Variants in PCDH7 observed in about 807,000 individuals in gnomAD.
PCDH7 encodes the protein protocadherin 7.
In PCDH7, 17 loss-of-function variants were observed where a neutral mutation model predicts 58.9. The observed-to-expected ratio is 0.29, with a 90% CI of 0.20 to 0.43. The LOEUF (loss-of-function observed/expected upper bound fraction) is 0.43. PCDH7 is among the 20% of genes least tolerant of loss of function. The probability of loss-of-function intolerance (pLI) is 1.00; values close to 1 mark genes in which losing one functional copy is unlikely to be tolerated. For synonymous variants in PCDH7, 664 were observed against 616.4 expected, an observed-to-expected ratio of 1.08 and a Z score of -1.14; for missense variants, 1,274 against 1,441.0, an observed-to-expected ratio of 0.88 and a Z score of 1.88.
At chr4:31,122,550 T>C (rs1717817849) in intron 3 of PCDH7, among the ~76,000 whole-genome samples, 1 of 152,178 alleles carries the variant, frequency 6.6e-6, no homozygotes, top group Non-Finnish European at 1.5e-5. Flanking sequence ...TTAATGCACA[T>C]TTACTGAAAT....
exon 4 of PCDH7, chr4:31,142,708 G>T (rs1438527023): frequency 1.5e-6 from 2 of 1,367,740 alleles, no homozygotes; most frequent in South Asian, 2.3e-5. Flanking sequence ...ACAAAAAGTT[G>T]ACCTCATCCT....
intron 2 of PCDH7, among the ~76,000 whole-genome samples, chr4:30,922,176 A>C (rs1034568389): frequency 6.6e-6 from 1 of 151,524 alleles, no homozygotes; most frequent in Non-Finnish European, 1.5e-5. Context: ...ATAATTACTT[A>C]TATGTACATA....
At chr4:30,799,468 A>G (rs905088729) in intron 1 of PCDH7, among the ~76,000 whole-genome samples, 5 of 152,222 alleles carry the variant, frequency 3.3e-5, no homozygotes, top group Admixed American at 3.3e-4. Flanking sequence ...CTCTAGATAA[A>G]TATTCACATG....
At chr4:30,918,895 G>A (rs868492355) in intron 1 of PCDH7, among the ~76,000 whole-genome samples, 5 of 152,054 alleles carry the variant, frequency 3.3e-5, no homozygotes, top group Non-Finnish European at 7.4e-5. Context: ...ATAAATTAGG[G>A]GGAGATGTTA....
chr4:31,109,274 A>G (rs1055561251), intron 3 of PCDH7, among the ~76,000 whole-genome samples: 1 of 152,248 alleles, frequency 6.6e-6, no homozygotes, highest in African/African-American at 2.4e-5. Flanking sequence ...AAGGATGGAG[A>G]ATTATGACCA....
chr4:30,726,845 G>A (rs368389277), intron 1 of PCDH7, among the ~76,000 whole-genome samples: 2 of 151,802 alleles, frequency 1.3e-5, no homozygotes, highest in African/African-American at 4.8e-5. Flanking sequence ...TTGCTGTCAG[G>A]GGACAAGGGA....
chr4:30,805,284 A>G (rs1726039222), intron 1 of PCDH7, among the ~76,000 whole-genome samples: 1 of 152,116 alleles, frequency 6.6e-6, no homozygotes, highest in South Asian at 2.1e-4. Context: ...AGGTGAAGGC[A>G]TATGGTAGGG....
chr4:30,879,981 A>AT (rs1736759749), intron 1 of PCDH7, among the ~76,000 whole-genome samples: 1 of 152,108 alleles, frequency 6.6e-6, no homozygotes, highest in African/African-American at 2.4e-5. Flanking sequence ...TTTTTAACAG[A>AT]TTCCCTAAAC....
chr4:31,076,160 G>T (rs1758974448), intron 3 of PCDH7, among the ~76,000 whole-genome samples: 1 of 152,130 alleles, frequency 6.6e-6, no homozygotes, highest in Non-Finnish European at 1.5e-5. Flanking sequence ...AGAGTGCAGA[G>T]GAATGAATTA....
chr4:31,022,086 A>G (rs377373753), intron 3 of PCDH7, among the ~76,000 whole-genome samples: 10 of 152,172 alleles, frequency 6.6e-5, no homozygotes, highest in East Asian at 5.8e-4. Context: ...ATTACCTTTT[A>G]AGGAAGTCAG....
chr4:30,982,828 C>T (rs990832710), intron 3 of PCDH7, among the ~76,000 whole-genome samples: 2 of 152,114 alleles, frequency 1.3e-5, no homozygotes, highest in Non-Finnish European at 2.9e-5. Context: ...CTTGAATCTA[C>T]TTCTGATAGT....
intron 3 of PCDH7, among the ~76,000 whole-genome samples, chr4:30,975,993 A>G (rs989496982): frequency 5.3e-5 from 8 of 152,114 alleles, no homozygotes; most frequent in African/African-American, 1.4e-4. Flanking sequence ...AGCCCTCATA[A>G]TGTGGTTGTT....
At chr4:31,134,480 C>A (rs1348826588) in intron 3 of PCDH7, among the ~76,000 whole-genome samples, 3 of 151,974 alleles carry the variant, frequency 2.0e-5, no homozygotes, top group East Asian at 1.9e-4. Flanking sequence ...AACAAACAAA[C>A]AAAAAAGAAG....
intron 3 of PCDH7, among the ~76,000 whole-genome samples, chr4:31,003,561 C>T (rs974621826): frequency 1.3e-5 from 2 of 151,970 alleles, no homozygotes; most frequent in Non-Finnish European, 2.9e-5. Flanking sequence ...AACCCCAAAT[C>T]GGAACTGCTC....
At chr4:30,888,065 G>A (rs534013151) in intron 1 of PCDH7, among the ~76,000 whole-genome samples, 9 of 151,932 alleles carry the variant, frequency 5.9e-5, no homozygotes, top group South Asian at 2.1e-4. Flanking sequence ...TAGTAGAGAC[G>A]GGGTTTCACC....
At position 30,991,139 on chromosome 4, in the gene PCDH7, G is replaced by A. The variant is rs575487519; in HGVS notation, c.*7+40924G>A. On this transcript the variant is annotated intron_variant, in intron 3 of 3. Transcript: ENST00000509759. ...AAAAAGCCATCTATTTTTAAAACTTGTTCTCTTCCAATATAATCTGGAAGC... is the reference window on the plus strand; with the variant it reads ...AAAAAGCCATCTATTTTTAAAACTTATTCTCTTCCAATATAATCTGGAAGC... Among the ~76,000 whole-genome samples, 13 of 152,076 alleles carry A rather than the reference G, an allele frequency of 8.5e-5. No individual in the cohort carries two copies. In the East Asian group the frequency reaches 1.9e-3, roughly 23 times the overall value.
chr4:30,773,172 G>T (rs1156454829), intron 1 of PCDH7, among the ~76,000 whole-genome samples: 1 of 152,098 alleles, frequency 6.6e-6, no homozygotes, highest in Admixed American at 6.6e-5. Context: ...CAAAATGTTG[G>T]GATTACAGTC....
At chr4:30,875,624 G>A (rs562582068) in intron 1 of PCDH7, among the ~76,000 whole-genome samples, 1 of 152,068 alleles carries the variant, frequency 6.6e-6, no homozygotes, top group South Asian at 2.1e-4. Context: ...ATGCATCAGT[G>A]CATTCTACCT....
chr4:30,894,536 C>T (rs1381558407), intron 1 of PCDH7, among the ~76,000 whole-genome samples: 108 of 108,282 alleles, frequency 1.0e-3, no homozygotes, highest in African/African-American at 3.7e-3. Context: ...CACACACACA[C>T]ACACACACAC....
Sources: allele counts gnomAD v4.1 joint callset (sites outside exome capture counted in the v4.1 genomes callset), GRCh38; gene constraint gnomAD v4.1.1; transcripts MANE v1.5; gene names NCBI Gene and HGNC (gene_info 2026-07-23, HGNC 2026-07-21).